Variants in POLR1G observed in about 807,000 individuals in gnomAD.
POLR1G encodes the protein RNA polymerase I subunit G.
A neutral mutation model predicts 6.3 loss-of-function variants in POLR1G; 9 were observed. The ratio of observed to expected loss-of-function variants is 1.44; its 90% CI spans 0.87 to 2.51. POLR1G has a LOEUF of 2.51. POLR1G is among the 30% of genes most tolerant of loss of function. The pLI is 0.00. For missense variants in POLR1G, 617 were observed against 632.5 expected (o/e 0.98, Z 0.26); for synonymous variants, 248 against 256.5 (o/e 0.97, Z 0.32).
intron 2 of POLR1G, chr19:45,407,547 C>T (rs1203500887): frequency 3.0e-6 from 1 of 336,086 alleles, no homozygotes; most frequent in Admixed American, 5.0e-5. Flanking sequence ...CCTAAGCTTG[C>T]TCATTTATGT....
In POLR1G at chr19:45,406,999, C is replaced by A. The variant is rs910190292; in HGVS notation, c.23-95C>A. The A allele has an allele frequency of 1.3e-5, 19 of 1,467,436 alleles. No homozygotes were observed. Among genetic ancestry groups the A allele is most frequent in the South Asian group, 1.2e-4 (9 of 73,404 alleles). 90.9% of individuals were successfully genotyped at this position (1,467,436 alleles called of 1,614,324 possible). On this transcript the variant is annotated intron_variant, in intron 1 of 2. Coordinates refer to ENST00000309424, the MANE Select transcript of POLR1G (RefSeq NM_012099.3). This position sits in a 1 kb window ranked among gnomAD's most constrained non-coding sequence, Gnocchi z 4.2. The stretch of plus-strand genomic sequence containing the variant: ...AAACCAGGTTGAGGGGACTGGAGTG[C>A]TCACGAGGTTAAGACCAATGGACCG...
rs764460395 is a variant in POLR1G, at chr19:45,408,861, G to A, written c.893G>A (p.Gly298Glu). The A allele has an allele frequency of 2.5e-6, 4 of 1,614,170 alleles. No homozygotes were observed. In the South Asian group the frequency reaches 4.4e-5, roughly 18 times the overall value. The stretch of plus-strand genomic sequence containing the variant: ...AGAAAGAGGCAAAAGGGGACGGAAG[G>A]GATGGAGCCAGAGGAGGGGGTGACA... ...KKRKRQKGTE[G>E]MEPEEGVTVE... Residue 298 changes from glycine (G) to glutamate (E), a missense_variant, in exon 3 of 3, where the codon GGG (glycine) becomes GAG (glutamate). Physicochemically the swap from Gly to Glu is moderately conservative, Grantham distance 98. Transcript: ENST00000309424.
At chr19:45,408,052 A>C in intron 2 of POLR1G, 81 bp from the exon 3 acceptor site, 1 of 1,365,458 alleles carries the variant, frequency 7.3e-7, no homozygotes, top group Non-Finnish European at 9.4e-7. Flanking sequence ...AGACTCTCTC[A>C]AAAAAAAACA....
rs149071715 is a variant in POLR1G at position 45,408,430 on chromosome 19, C to T, written c.462C>T (p.Gly154=). 5.2e-5 allele frequency: 84 copies of T among 1,613,582 alleles called. No homozygotes were observed. The highest frequency in any genetic ancestry group is 6.9e-5 in the Non-Finnish European group (81 of 1,179,870). Residue 154 remains glycine, a synonymous_variant, in exon 3 of 3, where the codon GGC becomes GGT. Coordinates refer to ENST00000309424, the MANE Select transcript of POLR1G (RefSeq NM_012099.3). ...GLRPRFCAFG[G]NPPVTGPRSA... ...GGCCTCGGTTCTGTGCCTTTGGGGG[C>T]AACCCACCAGTCACAGGGCCTAGGT...
Position 45,409,172 on chromosome 19 carries a change from G to C in POLR1G, c.1204G>C (p.Glu402Gln), listed in dbSNP as rs778172332. ...AGATGCCACAGTGGAGCCAGAGACA[G>C]AGGTGGTGGGGCCTGAGCTGCCGGA... ...QQDATVEPET[E>Q]VVGPELPDDL... Residue 402 changes from glutamate (E) to glutamine (Q), a missense_variant, in exon 3 of 3, where the codon GAG (glutamate) becomes CAG (glutamine). By Grantham distance (29) the Glu-to-Gln change is conservative (BLOSUM62 2). Transcript: ENST00000309424. 1 of 1,613,632 alleles carries C rather than the reference G, an allele frequency of 6.2e-7. No homozygotes were observed. The highest frequency in any genetic ancestry group is 8.5e-7 in the Non-Finnish European group (1 of 1,179,714).
Position 45,406,976 on chromosome 19 carries a change from A to T in POLR1G, c.23-118A>T. ...GGGAACAGGTGGGCAGAAAGGAGAA[A>T]CCAGGTTGAGGGGACTGGAGTGCTC... On this transcript the variant is annotated intron_variant, in intron 1 of 2. Coordinates refer to ENST00000309424, the MANE Select transcript of POLR1G (RefSeq NM_012099.3). The surrounding 1 kb of genome is among the most constrained non-coding windows in gnomAD (Gnocchi z 4.2). The T allele has an allele frequency of 7.3e-7, 1 of 1,367,698 alleles. No individual in the cohort carries two copies. The highest frequency in any genetic ancestry group is 1.5e-5 in the South Asian group (1 of 68,500). 84.7% of individuals were successfully genotyped at this position (1,367,698 alleles called of 1,614,324 possible). A position where few individuals can be genotyped will look rare whatever the true frequency, so the allele number is the denominator to read the frequency against.
chr19:45,409,037 CTGGAGT>C lies in POLR1G; in HGVS notation c.1070_1075del (p.Leu357_Ser359delinsPro), dbSNP rs764185055. 1 of 1,614,090 alleles carries C rather than the reference CTGGAGT, an allele frequency of 6.2e-7. No individual in the cohort carries two copies. The highest frequency in any genetic ancestry group is 8.5e-7 in the Non-Finnish European group (1 of 1,180,026). On this transcript the variant is annotated inframe_deletion, in exon 3 of 3. Coordinates refer to ENST00000309424, the MANE Select transcript of POLR1G (RefSeq NM_012099.3). ...GCCAGTGGAGCCGGAGATGAAGCCT[CTGGAGT>C]CCCCAGGGGGGACCATGGCGCCTCA...
rs1318001821 is a variant in POLR1G, at chr19:45,409,079, G to A, written c.1111G>A (p.Gly371Arg). Residue 371 changes from glycine to arginine, a missense_variant, in exon 3 of 3, where the codon GGA becomes AGA. By Grantham distance (125) the Gly-to-Arg change is moderately radical. Transcript: ENST00000309424. ...GACCATGGCGCCTCAACAGCCAGAA[G>A]GAGCGAAGCCTCAGGCCCAGGCAGC... Reference protein sequence around the residue: ...GGTMAPQQPEGAKPQAQAALA... With the variant: ...GGTMAPQQPERAKPQAQAALA... The A allele has an allele frequency of 1.2e-6, 2 of 1,613,780 alleles. No individual in the cohort carries two copies. The highest frequency in any genetic ancestry group is 1.7e-5 in the Admixed American group (1 of 59,986).
At position 45,408,515 on chromosome 19, in the gene POLR1G, G is replaced by C. The variant is rs755298755; in HGVS notation, c.547G>C (p.Glu183Gln). 3 of 1,614,074 alleles carry C rather than the reference G, an allele frequency of 1.9e-6. No individual in the cohort carries two copies. Among genetic ancestry groups the C allele is most frequent in the Non-Finnish European group, 2.5e-6 (3 of 1,179,984 alleles). Residue 183 changes from glutamate (E) to glutamine (Q), a missense_variant, in exon 3 of 3, where the codon GAG (glutamate) becomes CAG (glutamine). Coordinates refer to ENST00000309424, the MANE Select transcript of POLR1G (RefSeq NM_012099.3). ...GAAGAAAAAGGAGATGCAGGTGACA[G>C]AGGCCCCAGTCACTCAGGAGGCAGT... ...GKKKKEMQVT[E>Q]APVTQEAVNG...
rs888927825 is a variant in POLR1G, at chr19:45,406,813, A to G, written c.22+95A>G. Reference sequence around the variant, plus strand: ...CGGGCGGAAAAGGAGGCGTACCTGCAAGCAGGACTTGCGAAGAGCGTGCAT... The same window carrying G: ...CGGGCGGAAAAGGAGGCGTACCTGCGAGCAGGACTTGCGAAGAGCGTGCAT... On this transcript the variant is annotated intron_variant, in intron 1 of 2. Coordinates refer to ENST00000309424, the MANE Select transcript of POLR1G (RefSeq NM_012099.3). The surrounding 1 kb of genome is among the most constrained non-coding windows in gnomAD (Gnocchi z 4.2). The G allele has an allele frequency of 8.1e-7, 1 of 1,240,470 alleles. No homozygotes were observed. The highest frequency in any genetic ancestry group is 3.1e-5 in the Admixed American group (1 of 32,510). The allele number at this position is 1,240,470 out of a possible 1,614,324, so 76.8% of individuals were successfully genotyped here. A position where few individuals can be genotyped will look rare whatever the true frequency, so the allele number is the denominator to read the frequency against.
rs771508875 is a variant in POLR1G at position 45,409,287 on chromosome 19, CACT to C, written c.1321_1323del (p.Leu441del). ...CACACAGTGACTGAGCCAATTCAGC[CACT>C]AGAGCCTGAACTGCCAGGGGAGGGA... is the stretch of plus-strand genomic sequence containing the variant. On this transcript the variant is annotated inframe_deletion, in exon 3 of 3. Coordinates refer to ENST00000309424, the MANE Select transcript of POLR1G (RefSeq NM_012099.3). 1.2e-5 allele frequency: 19 copies of C among 1,613,898 alleles called. 1 individual carries two copies. In the Middle Eastern group the frequency reaches 6.6e-4, roughly 56 times the overall value.
In POLR1G at chr19:45,409,879, TA is replaced by T; in HGVS notation, c.*379del. ...CAATCCAGTTACAATCTTTTTAAGT[TA>T]TTATTATTATTATTATTTTTTTTTT... On this transcript the variant is annotated 3_prime_UTR_variant, in exon 3 of 3. Coordinates refer to ENST00000309424, the MANE Select transcript of POLR1G (RefSeq NM_012099.3). 1 of 231,214 alleles carries T rather than the reference TA, an allele frequency of 4.3e-6. No individual in the cohort carries two copies. Among genetic ancestry groups the T allele is most frequent in the East Asian group, 7.1e-5 (1 of 13,994 alleles). 14.3% of individuals were successfully genotyped at this position (231,214 alleles called of 1,614,324 possible).
rs561071631 is a variant in POLR1G at position 45,409,383 on chromosome 19, T to G, written c.1415T>G (p.Met472Arg). 1 of 1,613,260 alleles carries G rather than the reference T, an allele frequency of 6.2e-7. No homozygotes were observed. Among genetic ancestry groups the G allele is most frequent in the Non-Finnish European group, 8.5e-7 (1 of 1,179,896 alleles). The change falls in exon 3 of 3, where the codon ATG becomes AGG. Residue 472 changes from methionine to arginine, a missense_variant. Met to Arg is a moderately conservative substitution (Grantham distance 91). Coordinates refer to ENST00000309424, the MANE Select transcript of POLR1G (RefSeq NM_012099.3). ...KRKKQSQESR[M>R]PETVPQEEMP... ...AAGAAGCAGAGTCAGGAAAGCCGGA[T>G]GCCAGAGACAGTGCCCCAAGAGGAG...
chr19:45,407,627 T>G (rs1973424960), intron 2 of POLR1G: 1 of 274,612 alleles, frequency 3.6e-6, no homozygotes, highest in African/African-American at 2.2e-5. Context: ...GAACATGTTC[T>G]GTATGGCCAT....
At position 45,407,083 on chromosome 19, in the gene POLR1G, T is replaced by G; in HGVS notation, c.23-11T>G. On this transcript the variant is annotated splice_polypyrimidine_tract_variant and intron_variant, in intron 1 of 2. Coordinates refer to ENST00000309424, the MANE Select transcript of POLR1G (RefSeq NM_012099.3). Reference sequence around the variant, plus strand: ...AGGTGTCAGTCGACCCCATTTCCCCTTCTGCTGCAGATGCTGCTCGGTTCT... The same window carrying G: ...AGGTGTCAGTCGACCCCATTTCCCCGTCTGCTGCAGATGCTGCTCGGTTCT... 1.3e-6 allele frequency: 2 copies of G among 1,584,832 alleles called. No individual in the cohort carries two copies. Among genetic ancestry groups the G allele is most frequent in the South Asian group, 1.2e-5 (1 of 86,876 alleles).
rs889967425 is a variant in POLR1G at position 45,408,394 on chromosome 19, TCCTGGCC to T, written c.427_433del (p.Pro143Ter). 1 of 1,613,020 alleles carries T rather than the reference TCCTGGCC, an allele frequency of 6.2e-7. No individual in the cohort carries two copies. The highest frequency in any genetic ancestry group is 1.3e-5 in the African/African-American group (1 of 74,902). ...CAGCAAGTCCCCCACCACAGATCCC[TCCTGGCC>T]TGAGGCCTCGGTTCTGTGCCTTTGG... is the stretch of plus-strand genomic sequence containing the variant. On this transcript the variant is annotated frameshift_variant, in exon 3 of 3. Transcript: ENST00000309424. LOFTEE classifies it low-confidence loss of function (END_TRUNC).
In POLR1G at chr19:45,406,874, G is replaced by T; in HGVS notation, c.22+156G>T. 2.0e-6 allele frequency: 2 copies of T among 978,976 alleles called. No homozygotes were observed. Among genetic ancestry groups the T allele is most frequent in the South Asian group, 1.8e-5 (1 of 57,018 alleles). 60.6% of individuals were successfully genotyped at this position (978,976 alleles called of 1,614,324 possible). A position where few individuals can be genotyped will look rare whatever the true frequency, so the allele number is the denominator to read the frequency against. On this transcript the variant is annotated intron_variant, in intron 1 of 2. Coordinates refer to ENST00000309424, the MANE Select transcript of POLR1G (RefSeq NM_012099.3). The surrounding 1 kb of genome is among the most constrained non-coding windows in gnomAD (Gnocchi z 4.2). The stretch of plus-strand genomic sequence containing the variant: ...CGAACGGGAATTCGAACGGAGAGAG[G>T]GTTATCTTGTGGGGGGCTACCCGTG...
At chr19:45,407,471 G>C (rs1208472303) in intron 2 of POLR1G, 1 of 502,608 alleles carries the variant, frequency 2.0e-6, no homozygotes, top group African/African-American at 2.0e-5. Context: ...GTTAAACTTG[G>C]AGTGTGCAGA....
At chr19:45,407,374 CAGAGT>C in intron 2 of POLR1G, 139 bp downstream of exon 2, 1 of 747,500 alleles carries the variant, frequency 1.3e-6, no homozygotes, top group East Asian at 2.9e-5. Context: ...TACTCCTTTA[CAGAGT>C]AGAGTGTCCT....
Sources: gnomAD v4.1 joint callset for allele counts on GRCh38, gnomAD v4.1.1 for gene constraint, Gnocchi (gnomAD v3.1) non-coding constraint, MANE v1.5 for transcripts, NCBI Gene and HGNC (gene_info 2026-07-23, HGNC 2026-07-21) for gene names.